The following DEDD variants were observed in gnomAD, a reference collection of about 807,000 sequenced individuals.
The protein encoded by DEDD is death effector domain-containing protein.
DEDD carries 3 observed loss-of-function variants against 29.2 expected under a neutral mutation model. The ratio of observed to expected loss-of-function variants is 0.10; its 90% confidence interval spans 0.05 to 0.27. DEDD has a LOEUF of 0.27. Among genes scored for constraint, DEDD ranks in the 10% least tolerant of loss-of-function variants. DEDD has a pLI of 1.00. For synonymous variants in DEDD, 152 were observed against 161.3 expected (o/e 0.94, Z 0.44); for missense variants, 261 against 420.5 (o/e 0.62, Z 3.32).
chr1:161,123,815 CAG>C (rs1480934729), intron 4 of DEDD, 22 bp downstream of exon 4: 4 of 1,584,898 alleles, frequency 2.5e-6, no homozygotes, highest in Non-Finnish European at 2.6e-6. Context: ...TGATGGAAAG[CAG>C]GGGGAGTTAA....
chr1:161,123,161 C>A lies in DEDD; in HGVS notation c.494G>T (p.Arg165Leu). ...AAGTGTGGCTCTCCCTCGGGCTGGC[C>A]GCTTGCTACACATCTGAGGACCCGA... ...PTSGPQMCSK[R>L]PARGRATLGS... Residue 165 changes from arginine to leucine, a missense_variant, in exon 5 of 6, where the codon CGG (arginine) becomes CTG (leucine). Coordinates refer to ENST00000368006, the MANE Select transcript of DEDD (RefSeq NM_032998.3). 1.2e-6 allele frequency: 2 copies of A among 1,614,180 alleles called. No individual in the cohort carries two copies. The highest frequency in any genetic ancestry group is 1.7e-6 in the Non-Finnish European group (2 of 1,180,036).
Position 161,122,510 on chromosome 1 carries a change from C to G in DEDD, c.594G>C (p.Arg198=). The change falls in exon 6 of 6, where the codon CGG becomes CGC. Residue 198 remains arginine, a synonymous_variant. Transcript: ENST00000368006. This position sits in a 1 kb window ranked among gnomAD's most constrained non-coding sequence, Gnocchi z 4.2. ...CATGCTGGCAGTATTCAGCCCGAAC[C>G]CGCAGTCTGATGTCTGTTGGAAACA... The part of the protein sequence containing the change: ...KEKQTCDIRL[R]VRAEYCQHET... The G allele has an allele frequency of 6.2e-7, 1 of 1,613,512 alleles. No homozygotes were observed. Among genetic ancestry groups the G allele is most frequent in the Non-Finnish European group, 8.5e-7 (1 of 1,179,506 alleles).
At position 161,122,533 on chromosome 1, in the gene DEDD, A is replaced by G. The variant is rs1326159850; in HGVS notation, c.581-10T>C. ...ACCCGCAGTCTGATGTCTGTTGGAAACAGAAGATACAGAGCAGAAGAGGTT... is the reference window on the plus strand; with the variant it reads ...ACCCGCAGTCTGATGTCTGTTGGAAGCAGAAGATACAGAGCAGAAGAGGTT... On this transcript the variant is annotated splice_polypyrimidine_tract_variant and intron_variant, in intron 5 of 5. Coordinates refer to ENST00000368006, the MANE Select transcript of DEDD (RefSeq NM_032998.3). The surrounding 1 kb of genome is among the most constrained non-coding windows in gnomAD (Gnocchi z 4.2). The G allele has an allele frequency of 6.2e-7, 1 of 1,611,320 alleles. No individual in the cohort carries two copies. The highest frequency in any genetic ancestry group is 8.5e-7 in the Non-Finnish European group (1 of 1,177,954).
At chr1:161,131,072 A>G (rs1656626321) in intron 1 of DEDD, 1 of 152,236 alleles carries the variant, frequency 6.6e-6, no homozygotes. Flanking sequence ...ACCAACTCCA[A>G]GAATTTCCAG....
chr1:161,121,056 A>C lies in DEDD; in HGVS notation c.*1091T>G, dbSNP rs1419842109. Reference sequence around the variant, plus strand: ...CAGCACTGGCATTGAAAAATATAATAATCATAAAGTCTGTGTCTGGACATC... The same window carrying C: ...CAGCACTGGCATTGAAAAATATAATCATCATAAAGTCTGTGTCTGGACATC... On this transcript the variant is annotated 3_prime_UTR_variant, in exon 6 of 6. Coordinates refer to ENST00000368006, the MANE Select transcript of DEDD (RefSeq NM_032998.3). 13 of 1,259,532 alleles carry C rather than the reference A, an allele frequency of 1.0e-5. No homozygotes were observed. The East Asian group carries it at 2.4e-4, about 23-fold the overall frequency. The allele number at this position is 1,259,532 out of a possible 1,614,324, so 78.0% of individuals were successfully genotyped here.
intron 2 of DEDD, among the ~76,000 whole-genome samples, chr1:161,129,791 G>A (rs1316997721): frequency 1.3e-5 from 2 of 152,160 alleles, no homozygotes; most frequent in African/African-American, 2.4e-5. Flanking sequence ...ACCAAGAGAC[G>A]AAACTCCAGC....
At position 161,123,116 on chromosome 1, in the gene DEDD, C is replaced by T. The variant is rs1433335418; in HGVS notation, c.539G>A (p.Arg180Gln). Reference sequence around the variant, plus strand: ...CTTGGGATCTGGTGTCACTGACTTCCGGCGTTTTCGCTGGCTCCCAAGTGT... The same window carrying T: ...CTTGGGATCTGGTGTCACTGACTTCTGGCGTTTTCGCTGGCTCCCAAGTGT... The part of the protein sequence containing the change: ...RATLGSQRKR[R>Q]KSVTPDPKEK... The change falls in exon 5 of 6, where the codon CGG becomes CAG. Residue 180 changes from arginine to glutamine, a missense_variant. This residue lies in a region of DEDD where 203 missense variants were observed against 268.7 expected (regional missense o/e 0.76). Coordinates refer to ENST00000368006, the MANE Select transcript of DEDD (RefSeq NM_032998.3). 8 of 1,614,154 alleles carry T rather than the reference C, an allele frequency of 5.0e-6. No individual in the cohort carries two copies. The highest frequency in any genetic ancestry group is 1.1e-5 in the South Asian group (1 of 91,082).
intron 4 of DEDD, 148 bp from the exon 5 acceptor site, chr1:161,123,369 G>A: frequency 1.2e-6 from 1 of 802,970 alleles, no homozygotes; most frequent in African/African-American, 1.7e-5. Context: ...ACCAGGTGCA[G>A]TGGCTCACGC....
intron 2 of DEDD, among the ~76,000 whole-genome samples, chr1:161,125,699 A>G (rs967193161): frequency 1.3e-5 from 2 of 152,076 alleles, no homozygotes; most frequent in African/African-American, 4.8e-5. Context: ...ATGGGTTTTT[A>G]CCATGATGGT....
rs1655639363 is a variant in DEDD at position 161,122,664 on chromosome 1, T to TA, written c.581-142dup. The TA allele has an allele frequency of 8.9e-7, 1 of 1,121,374 alleles. No individual in the cohort carries two copies. Among genetic ancestry groups the TA allele is most frequent in the Admixed American group, 2.8e-5 (1 of 36,088 alleles). 69.5% of individuals were successfully genotyped at this position (1,121,374 alleles called of 1,614,324 possible). ...AGCTTCTCTACCTCTTCCCCAGGAC[T>TA]ATTTCTATGTATCTCTGAAATCCTT... On this transcript the variant is annotated intron_variant, in intron 5 of 5. Transcript: ENST00000368006. The surrounding 1 kb of genome is among the most constrained non-coding windows in gnomAD (Gnocchi z 4.2).
At chr1:161,123,990 C>T (rs1158962909) in intron 3 of DEDD, 44 bp from the exon 4 acceptor site, 4 of 1,603,630 alleles carry the variant, frequency 2.5e-6, no homozygotes, top group Middle Eastern at 1.7e-4. Context: ...TACACCCTTC[C>T]CTTCTGTCAG....
rs1403687508 is a variant in DEDD, at chr1:161,122,474, C to T, written c.630G>A (p.Leu210=). ...GCTTGTTAGAGAAGACATTGCCCTG[C>T]AGAGCAGTCTCATGCTGGCAGTATT... The part of the protein sequence containing the change: ...RAEYCQHETA[L]QGNVFSNKQD... The change falls in exon 6 of 6, where the codon CTG becomes CTA. Residue 210 remains leucine, a synonymous_variant. Transcript: ENST00000368006. This position sits in a 1 kb window ranked among gnomAD's most constrained non-coding sequence, Gnocchi z 4.2. 6.2e-7 allele frequency: 1 copy of T among 1,614,172 alleles called. No individual in the cohort carries two copies. Among genetic ancestry groups the T allele is most frequent in the South Asian group, 1.1e-5 (1 of 91,088 alleles).
At chr1:161,124,600 T>C in intron 2 of DEDD, 74 bp from the exon 3 acceptor site, 2 of 1,443,774 alleles carry the variant, frequency 1.4e-6, no homozygotes, top group South Asian at 1.5e-5. Flanking sequence ...ATATTCCCAG[T>C]TGCTAACAAT....
chr1:161,122,583 C>T lies in DEDD; in HGVS notation c.581-60G>A. The T allele has an allele frequency of 4.5e-6, 7 of 1,556,046 alleles. No individual in the cohort carries two copies. Among genetic ancestry groups the T allele is most frequent in the Non-Finnish European group, 6.1e-6 (7 of 1,151,048 alleles). On this transcript the variant is annotated intron_variant, in intron 5 of 5. Transcript: ENST00000368006. The surrounding 1 kb of genome is among the most constrained non-coding windows in gnomAD (Gnocchi z 4.2). ...TACAGTAAGGGATGAGTTTACAAGC[C>T]AAGCTTGAAAACTGAAAAGCACAAC...
chr1:161,121,928 G>C lies in DEDD; in HGVS notation c.*219C>G, dbSNP rs539808616. On this transcript the variant is annotated 3_prime_UTR_variant, in exon 6 of 6. Coordinates refer to ENST00000368006, the MANE Select transcript of DEDD (RefSeq NM_032998.3). ...TAAGGTAGCTGTAGAGACACATTAC[G>C]GGGTAAATGGAAAAGGGAAATAAAG... 5.3e-6 allele frequency: 3 copies of C among 564,624 alleles called. No individual in the cohort carries two copies. The East Asian group carries it at 9.0e-5, about 17-fold the overall frequency. The allele number at this position is 564,624 out of a possible 1,614,324, so 35.0% of individuals were successfully genotyped here.
intron 2 of DEDD, among the ~76,000 whole-genome samples, chr1:161,126,642 G>A (rs912832985): frequency 3.3e-5 from 5 of 151,804 alleles, no homozygotes; most frequent in African/African-American, 7.3e-5. Flanking sequence ...ACGCCTGGCC[G>A]AACACTCCAA....
chr1:161,129,277 AATCT>A (rs1203022893), intron 2 of DEDD, among the ~76,000 whole-genome samples: 2 of 152,186 alleles, frequency 1.3e-5, no homozygotes, highest in African/African-American at 4.8e-5. Flanking sequence ...GGGTTCCAAG[AATCT>A]ATCTAACTTT....
Position 161,121,796 on chromosome 1 carries a change from G to C in DEDD, c.*351C>G. On this transcript the variant is annotated 3_prime_UTR_variant, in exon 6 of 6. Transcript: ENST00000368006. Reference sequence around the variant, plus strand: ...GAGCTCTCATAAAGCCAGAAGTATTGATAACTCCTTAGTGCATCCAAAAAA... The same window carrying C: ...GAGCTCTCATAAAGCCAGAAGTATTCATAACTCCTTAGTGCATCCAAAAAA... 1 of 190,638 alleles carries C rather than the reference G, an allele frequency of 5.2e-6. No homozygotes were observed. The allele number at this position is 190,638 out of a possible 1,614,324, so 11.8% of individuals were successfully genotyped here. A position where few individuals can be genotyped will look rare whatever the true frequency, so the allele number is the denominator to read the frequency against.
chr1:161,123,740 A>G, intron 4 of DEDD, 99 bp downstream of exon 4: 3 of 1,078,574 alleles, frequency 2.8e-6, no homozygotes, highest in Non-Finnish European at 4.1e-6. Context: ...ATGTGGGCGC[A>G]CAGCATCCTT....
Sources: gnomAD v4.1 joint callset for allele counts (sites outside exome capture counted in the v4.1 genomes callset) on GRCh38, gnomAD v4.1.1 for gene constraint, gnomAD v4.1.1 regional missense constraint, Gnocchi (gnomAD v3.1) non-coding constraint, MANE v1.5 for transcripts, NCBI Gene and HGNC (gene_info 2026-07-23, HGNC 2026-07-21) for gene names.